The following CTNNA3 variants were observed in gnomAD, a reference collection of about 807,000 sequenced individuals.
CTNNA3 encodes catenin alpha-3.
In CTNNA3, 76 loss-of-function variants were observed where a neutral mutation model predicts 95.7. That is an observed-to-expected ratio of 0.79 (90% CI 0.66 to 0.96). The LOEUF is 0.96. Ranked by LOEUF, CTNNA3 falls within the 40% of genes least tolerant of loss-of-function variation. The pLI, the probability that CTNNA3 is intolerant of heterozygous loss-of-function variation, is 0.00. For missense variants in CTNNA3, 1,191 were observed against 1,089.8 expected, an observed-to-expected ratio of 1.09 and a Z score of -1.31; for synonymous variants, 431 against 374.4, an observed-to-expected ratio of 1.15 and a Z score of -1.74.
At chr10:67,757,424 G>T (rs1167054292) in intron 1 of CTNNA3, among the ~76,000 whole-genome samples, 7 of 152,120 alleles carry the variant, frequency 4.6e-5, no homozygotes. Flanking sequence ...TGAGGGTGAT[G>T]TCAAAGGAGA....
intron 9 of CTNNA3, among the ~76,000 whole-genome samples, chr10:66,709,495 G>A (rs1848222784): frequency 6.7e-6 from 1 of 149,302 alleles, no homozygotes; most frequent in Admixed American, 7.0e-5. Flanking sequence ...AAATGGCTAA[G>A]GTTTAGTTTT....
At chr10:66,723,536 C>T (rs1848692792) in intron 9 of CTNNA3, among the ~76,000 whole-genome samples, 2 of 152,202 alleles carry the variant, frequency 1.3e-5, no homozygotes, top group Non-Finnish European at 2.9e-5. Context: ...ACAGCACATT[C>T]TATAGTCATC....
At chr10:66,946,773 A>C (rs1285085244) in intron 7 of CTNNA3, among the ~76,000 whole-genome samples, 1 of 151,944 alleles carries the variant, frequency 6.6e-6, no homozygotes, top group East Asian at 1.9e-4. Context: ...CACCACACCC[A>C]GGCACACACA....
intron 5 of CTNNA3, among the ~76,000 whole-genome samples, chr10:67,517,095 C>G (rs1332432043): frequency 6.6e-6 from 1 of 152,072 alleles, no homozygotes; most frequent in African/African-American, 2.4e-5. Context: ...ATACTGATTC[C>G]ATTTTCTTTG....
intron 11 of CTNNA3, among the ~76,000 whole-genome samples, chr10:66,488,634 A>C (rs1839818020): frequency 1.3e-5 from 2 of 152,190 alleles, no homozygotes; most frequent in African/African-American, 4.8e-5. Context: ...ATTTATACTT[A>C]AATATCACTG....
Position 67,148,665 on chromosome 10 carries a change from A to G in CTNNA3, c.1047+31652T>C, listed in dbSNP as rs184286810. Reference sequence around the variant, plus strand: ...TTACTGACAAACATATCACATCAAAATTTCCTCATCCAGTGCACTACCCTC... The same window carrying G: ...TTACTGACAAACATATCACATCAAAGTTTCCTCATCCAGTGCACTACCCTC... On this transcript the variant is annotated intron_variant, in intron 7 of 17. Coordinates refer to ENST00000433211, the MANE Select transcript of CTNNA3 (RefSeq NM_013266.4). Among the ~76,000 whole-genome samples the G allele has an allele frequency of 3.9e-5, 6 of 152,324 alleles. No individual in the cohort carries two copies. The East Asian group carries it at 1.2e-3, about 29-fold the overall frequency.
At chr10:66,751,484 G>A (rs1370459116) in intron 9 of CTNNA3, among the ~76,000 whole-genome samples, 2 of 151,990 alleles carry the variant, frequency 1.3e-5, no homozygotes, top group African/African-American at 2.4e-5. Context: ...GACTTTTTAG[G>A]TTTATATTTA....
intron 3 of CTNNA3, among the ~76,000 whole-genome samples, chr10:67,576,135 G>C (rs1175523156): frequency 6.6e-6 from 1 of 152,162 alleles, no homozygotes; most frequent in East Asian, 1.9e-4. Flanking sequence ...GCAACCTTAA[G>C]TTCTTAAGCA....
chr10:67,678,145 G>A (rs191652475), intron 1 of CTNNA3, among the ~76,000 whole-genome samples: 46 of 151,978 alleles, frequency 3.0e-4, no homozygotes, highest in Non-Finnish European at 5.0e-4. Context: ...TTTAAAAATC[G>A]TGTAACATAA....
At chr10:67,494,844 G>GAT (rs1243094299) in intron 5 of CTNNA3, among the ~76,000 whole-genome samples, 1 of 152,158 alleles carries the variant, frequency 6.6e-6, no homozygotes, top group African/African-American at 2.4e-5. Flanking sequence ...TTCAAAGATG[G>GAT]ATAAAGCACA....
chr10:66,450,613 G>A (rs930385578), intron 11 of CTNNA3, among the ~76,000 whole-genome samples: 1 of 151,914 alleles, frequency 6.6e-6, no homozygotes, highest in Non-Finnish European at 1.5e-5. Context: ...ATGTTCCCTA[G>A]AATATTTACA....
intron 7 of CTNNA3, among the ~76,000 whole-genome samples, chr10:67,017,603 C>T (rs117702706): frequency 3.9e-5 from 6 of 152,184 alleles, no homozygotes; most frequent in Non-Finnish European, 8.8e-5. Flanking sequence ...TATGGCTCTA[C>T]CTACAACACC....
chr10:66,887,252 T>C (rs895964455), intron 7 of CTNNA3, among the ~76,000 whole-genome samples: 4 of 152,160 alleles, frequency 2.6e-5, no homozygotes, highest in African/African-American at 9.6e-5. Context: ...GAAAAAATCC[T>C]TAGCAACTCA....
intron 17 of CTNNA3, among the ~76,000 whole-genome samples, chr10:65,948,760 T>C (rs1040811685): frequency 6.6e-6 from 1 of 152,218 alleles, no homozygotes; most frequent in Non-Finnish European, 1.5e-5. Flanking sequence ...TTGTTATTCA[T>C]GTTACCATTT....
chr10:65,980,864 T>C (rs149156943), intron 16 of CTNNA3, among the ~76,000 whole-genome samples: 2,323 of 152,194 alleles, frequency 0.015, 35 homozygotes, highest in Non-Finnish European at 0.025. Context: ...AAGCCATCTA[T>C]GACAAACCCA....
At chr10:66,396,851 CAAT>C (rs2092982045) in intron 11 of CTNNA3, among the ~76,000 whole-genome samples, 1 of 151,822 alleles carries the variant, frequency 6.6e-6, no homozygotes, top group African/African-American at 2.4e-5. Flanking sequence ...TGAAGTGAAA[CAAT>C]GATTTTAATT....
chr10:67,056,510 G>A (rs1206854225), intron 7 of CTNNA3, among the ~76,000 whole-genome samples: 3 of 152,090 alleles, frequency 2.0e-5, no homozygotes, highest in Non-Finnish European at 2.9e-5. Flanking sequence ...ATCCACTCCT[G>A]ATCTGTATCT....
At chr10:66,273,561 A>T (rs552282543) in intron 13 of CTNNA3, among the ~76,000 whole-genome samples, 6 of 152,302 alleles carry the variant, frequency 3.9e-5, no homozygotes, top group African/African-American at 1.4e-4. Context: ...ATGAATTTCA[A>T]CATTCTATAA....
At chr10:66,731,565 C>A (rs1270389015) in intron 9 of CTNNA3, among the ~76,000 whole-genome samples, 1 of 152,156 alleles carries the variant, frequency 6.6e-6, no homozygotes, top group East Asian at 1.9e-4. Context: ...GGACCTACAA[C>A]CACATTTTTG....
Sources: gnomAD v4.1 joint callset for allele counts (sites outside exome capture counted in the v4.1 genomes callset) on GRCh38, gnomAD v4.1.1 for gene constraint, MANE v1.5 for transcripts, NCBI Gene and HGNC (gene_info 2026-07-23, HGNC 2026-07-21) for gene names.